APBA2: variants seen among roughly 807,000 people sequenced by gnomAD.
The protein encoded by APBA2 is amyloid beta precursor protein binding family A member 2, also known as amyloid-beta A4 precursor protein-binding family A member 2.
APBA2 carries 30 observed loss-of-function variants against 75.0 expected under a neutral mutation model. That is an observed-to-expected ratio of 0.40 (90% CI 0.30 to 0.54). The LOEUF is 0.54. Ranked by LOEUF, APBA2 falls within the 20% of genes least tolerant of loss-of-function variation. The pLI is 0.49. For missense variants in APBA2, 801 were observed against 1,016.1 expected, an observed-to-expected ratio of 0.79 and a Z score of 2.88; for synonymous variants, 444 against 409.6, an observed-to-expected ratio of 1.08 and a Z score of -1.01.
chr15:29,013,590 T>A (rs1012612751), intron 3 of APBA2, among the ~76,000 whole-genome samples: 1 of 152,078 alleles, frequency 6.6e-6, no homozygotes, highest in Non-Finnish European at 1.5e-5. Context: ...CGAAAATGAG[T>A]CATTCTTTGC....
At chr15:28,980,163 C>A (rs2037547234) in intron 2 of APBA2, among the ~76,000 whole-genome samples, 1 of 152,120 alleles carries the variant, frequency 6.6e-6, no homozygotes, top group African/African-American at 2.4e-5. Flanking sequence ...CAGAAAAGAT[C>A]TGATTGAATT....
chr15:29,108,629 C>A (rs1377815418), intron 13 of APBA2: 2 of 616,024 alleles, frequency 3.2e-6, no homozygotes, highest in South Asian at 3.9e-5. Flanking sequence ...CTTTCCCAGG[C>A]TCCCTTGTCC....
intron 3 of APBA2, among the ~76,000 whole-genome samples, chr15:29,051,839 C>A (rs2041609175): frequency 6.6e-6 from 1 of 152,092 alleles, no homozygotes; most frequent in Non-Finnish European, 1.5e-5. Context: ...TCACTGATAG[C>A]TCCTCTTTCA....
At chr15:28,954,662 C>T (rs1460582153) in intron 2 of APBA2, among the ~76,000 whole-genome samples, 1 of 152,154 alleles carries the variant, frequency 6.6e-6, no homozygotes, top group Non-Finnish European at 1.5e-5. Flanking sequence ...GCTCACAGTC[C>T]TGACATCTTC....
At position 29,106,953 on chromosome 15, in the gene APBA2, C is replaced by T. The variant is rs563635929; in HGVS notation, c.1917+134C>T. On this transcript the variant is annotated intron_variant, in intron 12 of 14. Transcript: ENST00000683413. ...AAACTGAGGCCCAGGGAGACCCACC[C>T]GGTGACTGGTCGATGATGGTATCAG... The T allele has an allele frequency of 6.9e-5, 54 of 785,908 alleles. 1 individual carries two copies. In the Middle Eastern group the frequency reaches 1.4e-3, roughly 21 times the overall value. The allele number at this position is 785,908 out of a possible 1,614,324, so 48.7% of individuals were successfully genotyped here.
intron 2 of APBA2, among the ~76,000 whole-genome samples, chr15:28,956,633 A>G (rs898479912): frequency 2.6e-5 from 4 of 152,100 alleles, no homozygotes. Context: ...CATTAAGTAC[A>G]TTTACACGGT....
chr15:28,987,104 A>G (rs75116273), intron 2 of APBA2, among the ~76,000 whole-genome samples: 1 of 82,064 alleles, frequency 1.2e-5, no homozygotes, highest in Non-Finnish European at 1.9e-5. Context: ...AGGTTTTAAC[A>G]TGTGAATTTG....
intron 11 of APBA2, 66 bp from the exon 12 acceptor site, chr15:29,106,541 G>A (rs947555485): frequency 6.4e-7 from 1 of 1,565,652 alleles, no homozygotes; most frequent in East Asian, 2.3e-5. Context: ...TCATCCTCCT[G>A]TGGGTCCTTG....
intron 2 of APBA2, among the ~76,000 whole-genome samples, chr15:28,985,379 G>C (rs990318246): frequency 6.6e-6 from 1 of 152,128 alleles, no homozygotes; most frequent in African/African-American, 2.4e-5. Flanking sequence ...AACAACATCG[G>C]GTCCAGATTT....
At chr15:28,915,526 C>T (rs1389017251) in intron 1 of APBA2, among the ~76,000 whole-genome samples, 1 of 151,120 alleles carries the variant, frequency 6.6e-6, no homozygotes, top group East Asian at 2.0e-4. Context: ...ACACCACACA[C>T]ACCCCATAGA....
intron 6 of APBA2, among the ~76,000 whole-genome samples, chr15:29,092,023 C>T (rs2043598123): frequency 6.6e-6 from 1 of 152,186 alleles, no homozygotes. Flanking sequence ...GAGAGGACAG[C>T]CAAGCCACGG....
chr15:29,088,412 C>T lies in APBA2; in HGVS notation c.1070-4663C>T, dbSNP rs542712964. 2.1e-4 allele frequency among the ~76,000 whole-genome samples: 32 copies of T among 152,310 alleles called. No homozygotes were observed. In the South Asian group the frequency reaches 6.6e-3, roughly 32 times the overall value. ...ATCCAGGCTCCTGCCACTAAACTTG[C>T]CTGGAATCCCCAACCCAAGCTCAGT... On this transcript the variant is annotated intron_variant, in intron 6 of 14. Transcript: ENST00000683413.
At chr15:29,087,493 A>T (rs576283372) in intron 6 of APBA2, among the ~76,000 whole-genome samples, 4 of 152,146 alleles carry the variant, frequency 2.6e-5, no homozygotes, top group Non-Finnish European at 5.9e-5. Context: ...TCAGTGACAA[A>T]GCCTGTGCTG....
intron 3 of APBA2, among the ~76,000 whole-genome samples, chr15:29,014,709 T>C (rs1383259699): frequency 1.3e-5 from 2 of 151,300 alleles, no homozygotes; most frequent in Non-Finnish European, 2.9e-5. Flanking sequence ...TGACTGTTTT[T>C]TTTTTTTTTT....
rs774617489 is a variant in APBA2, at chr15:28,918,579, G to T, written c.-204-3061G>T. Reference sequence around the variant, plus strand: ...CGCGTCATTGTGGGAACACTCGGGCGGGATGTATTTTAAAGGAGTGCCTGA... The same window carrying T: ...CGCGTCATTGTGGGAACACTCGGGCTGGATGTATTTTAAAGGAGTGCCTGA... On this transcript the variant is annotated intron_variant, in intron 1 of 14. Coordinates refer to ENST00000683413, the MANE Select transcript of APBA2 (RefSeq NM_001353788.2). This position sits in a 1 kb window ranked among gnomAD's most constrained non-coding sequence, Gnocchi z 4.2. 6.7e-6 allele frequency among the ~76,000 whole-genome samples: 1 copy of T among 148,198 alleles called. No homozygotes were observed. The highest frequency in any genetic ancestry group is 2.5e-5 in the African/African-American group (1 of 40,662).
Position 28,918,624 on chromosome 15 carries a change from G to C in APBA2, c.-204-3016G>C, listed in dbSNP as rs960071925. Among the ~76,000 whole-genome samples the C allele has an allele frequency of 7.9e-6, 1 of 126,426 alleles. No individual in the cohort carries two copies. Among genetic ancestry groups the C allele is most frequent in the African/African-American group, 3.0e-5 (1 of 33,408 alleles). The allele number at this position is 126,426 out of a possible 152,430, so 82.9% of individuals were successfully genotyped here. A position where few individuals can be genotyped will look rare whatever the true frequency, so the allele number is the denominator to read the frequency against. The stretch of plus-strand genomic sequence containing the variant: ...GCCTGATGCGTGTGGGTGTGGTGGG[G>C]TTGGGGGTGGGGGTGGGGCTGGGGG... On this transcript the variant is annotated intron_variant, in intron 1 of 14. Transcript: ENST00000683413. This position sits in a 1 kb window ranked among gnomAD's most constrained non-coding sequence, Gnocchi z 4.2.
At chr15:29,053,311 C>T (rs1201541613) in intron 3 of APBA2, among the ~76,000 whole-genome samples, 3 of 152,128 alleles carry the variant, frequency 2.0e-5, no homozygotes, top group Admixed American at 2.0e-4. Context: ...CATCCAGTTC[C>T]TCGGTGAACA....
At chr15:28,940,194 C>T (rs1046920916) in intron 2 of APBA2, among the ~76,000 whole-genome samples, 2 of 151,608 alleles carry the variant, frequency 1.3e-5, no homozygotes, top group South Asian at 2.1e-4. Flanking sequence ...AAAGGAGATA[C>T]GGAGGAAAGG....
intron 8 of APBA2, 45 bp from the exon 9 acceptor site, chr15:29,098,445 C>T: frequency 7.2e-7 from 1 of 1,389,450 alleles, no homozygotes; most frequent in South Asian, 1.2e-5. Flanking sequence ...GTCCTCTATT[C>T]CGAGTTGGTT....
Sources: gnomAD v4.1 joint callset for allele counts (sites outside exome capture counted in the v4.1 genomes callset) on GRCh38, gnomAD v4.1.1 for gene constraint, Gnocchi (gnomAD v3.1) non-coding constraint, MANE v1.5 for transcripts, NCBI Gene and HGNC (gene_info 2026-07-23, HGNC 2026-07-21) for gene names.